The following SALL1 variants were observed in gnomAD, a reference collection of about 807,000 sequenced individuals.
The protein encoded by SALL1 is sal-like protein 1.
Under a neutral mutation model 73.1 loss-of-function variants are expected in SALL1, and 10 were observed. The observed-to-expected ratio is 0.14, with a 90% CI of 0.08 to 0.23. The LOEUF is 0.23. SALL1 is among the 10% of genes least tolerant of loss of function. SALL1 has a pLI of 1.00. For synonymous variants in SALL1, 688 were observed against 689.8 expected, an observed-to-expected ratio of 1.00 and a Z score of 0.04; for missense variants, 1,520 against 1,697.3, an observed-to-expected ratio of 0.90 and a Z score of 1.84.
In SALL1 at chr16:51,141,814, G is replaced by A; in HGVS notation, c.408C>T (p.Gly136=). 6.2e-7 allele frequency: 1 copy of A among 1,613,900 alleles called. No individual in the cohort carries two copies. Among genetic ancestry groups the A allele is most frequent in the Non-Finnish European group, 8.5e-7 (1 of 1,180,004 alleles). Residue 136 remains glycine (G), a synonymous_variant, in exon 2 of 3, where the codon GGC becomes GGT. Transcript: ENST00000251020. The surrounding 1 kb of genome is among the most constrained non-coding windows in gnomAD (Gnocchi z 5.4). ...TGTGGCTGCCGCTGGAAGTGCCGCTGCCGCTTTTGTTAGCAACCGGGGCCT... is the reference window on the plus strand; with the variant it reads ...TGTGGCTGCCGCTGGAAGTGCCGCTACCGCTTTTGTTAGCAACCGGGGCCT... ...EVEAPVANKS[G]SGTSSGSHSS... is the part of the protein sequence containing the mutation.
rs530363077 is a variant in SALL1, at chr16:51,139,294, G to A, written c.2928C>T (p.His976=). 79 of 1,614,126 alleles carry A rather than the reference G, an allele frequency of 4.9e-5. No individual in the cohort carries two copies. The East Asian group carries it at 4.9e-4, about 10-fold the overall frequency. Residue 976 remains histidine, a synonymous_variant, in exon 2 of 3, where the codon CAC becomes CAT. Coordinates refer to ENST00000251020, the MANE Select transcript of SALL1 (RefSeq NM_002968.3). ...AATCTTCTTTGATGATTTTCTCTGC[G>A]TGACTAGATGTCAAATCCAAAGCCC... ...NGGALDLTSS[H]AEKIIKEDSL...
In SALL1 at chr16:51,141,735, C is replaced by T. The variant is rs760334541; in HGVS notation, c.487G>A (p.Gly163Ser). ...GCTGAGGTACCTGTGGAGGAGCTGC[C>T]GCCGCCGCCGCTGCTGCTGCTGCTG... Reference protein sequence around the residue: ...SSSSSSSGGGGSSSTGTSAIT... With the variant: ...SSSSSSSGGGSSSSTGTSAIT... The change falls in exon 2 of 3, where the codon GGC becomes AGC. Residue 163 changes from glycine (G) to serine (S), a missense_variant. Gly to Ser is a moderately conservative substitution (Grantham distance 56, BLOSUM62 0). Transcript: ENST00000251020. The surrounding 1 kb of genome is among the most constrained non-coding windows in gnomAD (Gnocchi z 5.4). 11 of 1,609,678 alleles carry T rather than the reference C, an allele frequency of 6.8e-6. No homozygotes were observed. Among genetic ancestry groups the T allele is most frequent in the African/African-American group, 2.7e-5 (2 of 73,994 alleles).
At position 51,139,092 on chromosome 16, in the gene SALL1, A is replaced by G. The variant is rs1434600667; in HGVS notation, c.3130T>C (p.Leu1044=). Residue 1044 remains leucine (L), a synonymous_variant, in exon 2 of 3, where the codon TTG becomes CTG. Transcript: ENST00000251020. Reference sequence around the variant, plus strand: ...TGATGTGTCAACATGTGCTGCTTCAAATTACCCTTTGTGGAAAAGCCACGA... The same window carrying G: ...TGATGTGTCAACATGTGCTGCTTCAGATTACCCTTTGTGGAAAAGCCACGA... ...CNRGFSTKGN[L]KQHMLTHQMR... 5 of 1,614,114 alleles carry G rather than the reference A, an allele frequency of 3.1e-6. No homozygotes were observed. The highest frequency in any genetic ancestry group is 4.2e-6 in the Non-Finnish European group (5 of 1,180,054).
At position 51,141,790 on chromosome 16, in the gene SALL1, G is replaced by A. The variant is rs752851953; in HGVS notation, c.432C>T (p.His144=). The stretch of plus-strand genomic sequence containing the variant: ...TGCTGCTGCTTGGGGCGGTACTGCT[G>A]TGGCTGCCGCTGGAAGTGCCGCTGC... ...KSGSGTSSGS[H]SSTAPSSSSS... The change falls in exon 2 of 3, where the codon CAC becomes CAT. Residue 144 remains histidine (H), a synonymous_variant. Coordinates refer to ENST00000251020, the MANE Select transcript of SALL1 (RefSeq NM_002968.3). The surrounding 1 kb of genome is among the most constrained non-coding windows in gnomAD (Gnocchi z 5.4). The A allele has an allele frequency of 6.2e-7, 1 of 1,613,158 alleles. No individual in the cohort carries two copies. Among genetic ancestry groups the A allele is most frequent in the Non-Finnish European group, 8.5e-7 (1 of 1,179,788 alleles).
chr16:51,141,537 G>A lies in SALL1; in HGVS notation c.685C>T (p.Leu229Phe). The change falls in exon 2 of 3, where the codon CTC (leucine) becomes TTC (phenylalanine). Residue 229 changes from leucine (L) to phenylalanine (F), a missense_variant. Around this residue, in one of 7 missense-constraint regions of SALL1, gnomAD observed 540 missense variants for 567.5 expected, o/e 0.95. Coordinates refer to ENST00000251020, the MANE Select transcript of SALL1 (RefSeq NM_002968.3). This position sits in a 1 kb window ranked among gnomAD's most constrained non-coding sequence, Gnocchi z 5.4. ...TGCAGAGCTAGGAGTTGTTCCATGA[G>A]GGCTGGGACGGCCAGCTTGCCCCCA... ...ASGGKLAVPA[L>F]MEQLLALQQQ... 3.1e-6 allele frequency: 5 copies of A among 1,614,166 alleles called. No homozygotes were observed. The highest frequency in any genetic ancestry group is 3.4e-6 in the Non-Finnish European group (4 of 1,180,034).
At chr16:51,137,610 G>A (rs1317567397) in intron 2 of SALL1, 58 bp from the exon 3 acceptor site, 31 of 1,387,394 alleles carry the variant, frequency 2.2e-5, no homozygotes, top group Admixed American at 8.6e-5. Flanking sequence ...AAAAAGAGGA[G>A]GGGGAGAGAA....
Position 51,151,196 on chromosome 16 carries a change from G to C in SALL1, c.46C>G (p.Pro16Ala), listed in dbSNP as rs1248307069. The C allele has an allele frequency of 6.2e-7, 1 of 1,601,616 alleles. No individual in the cohort carries two copies. The highest frequency in any genetic ancestry group is 8.5e-7 in the Non-Finnish European group (1 of 1,175,564). ...QAKPQHFQSD[P>A]EVASLPRRDG... ...CGCCGGGGGAGCGAGGCCACTTCGGGGTCGGATTGGAAATGTTGAGGCTTC... is the reference window on the plus strand; with the variant it reads ...CGCCGGGGGAGCGAGGCCACTTCGGCGTCGGATTGGAAATGTTGAGGCTTC... The change falls in exon 1 of 3, where the codon CCC (proline) becomes GCC (alanine). Residue 16 changes from proline to alanine, a missense_variant. Coordinates refer to ENST00000251020, the MANE Select transcript of SALL1 (RefSeq NM_002968.3).
At chr16:51,149,390 C>T (rs75373928) in intron 1 of SALL1, 1 of 152,086 alleles carries the variant, frequency 6.6e-6, no homozygotes, top group Non-Finnish European at 1.5e-5. Context: ...AAGGTCTCAC[C>T]AGAAACTTTA....
intron 2 of SALL1, among the ~76,000 whole-genome samples, chr16:51,137,863 G>T (rs139118008): frequency 6.6e-6 from 1 of 152,162 alleles, no homozygotes; most frequent in East Asian, 1.9e-4. Context: ...AGCAAGCCAG[G>T]CAGTGGCGGA....
At chr16:51,137,582 C>CAGAG (rs142249003) in intron 2 of SALL1, 30 bp from the exon 3 acceptor site, 2 of 1,503,202 alleles carry the variant, frequency 1.3e-6, no homozygotes, top group Non-Finnish European at 1.8e-6. Flanking sequence ...GGCAGAGAGA[C>CAGAG]AGAGAGAGAG....
chr16:51,151,000 T>C (rs944468615), intron 1 of SALL1, 166 bp downstream of exon 1: 1 of 442,592 alleles, frequency 2.3e-6, no homozygotes. Flanking sequence ...CAAAGGCACA[T>C]TGAAAATTAA....
At position 51,141,744 on chromosome 16, in the gene SALL1, C is replaced by CT; in HGVS notation, c.477_478insA (p.Gly160ArgfsTer110). 7 of 1,579,894 alleles carry CT rather than the reference C, an allele frequency of 4.4e-6. No homozygotes were observed. The highest frequency in any genetic ancestry group is 6.1e-6 in the Non-Finnish European group (7 of 1,156,208). On this transcript the variant is annotated frameshift_variant, in exon 2 of 3. Coordinates refer to ENST00000251020, the MANE Select transcript of SALL1 (RefSeq NM_002968.3). LOFTEE classifies it high-confidence loss of function. The surrounding 1 kb of genome is among the most constrained non-coding windows in gnomAD (Gnocchi z 5.4). ...CCTGTGGAGGAGCTGCCGCCGCCGC[C>CT]GCTGCTGCTGCTGCTGCTGCTGCTG...
At position 51,137,069 on chromosome 16, in the gene SALL1, A is replaced by G; in HGVS notation, c.*43T>C. The G allele has an allele frequency of 6.2e-7, 1 of 1,606,756 alleles. No homozygotes were observed. Among genetic ancestry groups the G allele is most frequent in the Non-Finnish European group, 8.5e-7 (1 of 1,174,198 alleles). ...GGAGTAGGAGGCCACCATAGGTCGC[A>G]TTCTGAACAGGAATGAATGCTATGT... On this transcript the variant is annotated 3_prime_UTR_variant, in exon 3 of 3. Coordinates refer to ENST00000251020, the MANE Select transcript of SALL1 (RefSeq NM_002968.3).
At chr16:51,138,622 T>C in intron 2 of SALL1, 66 bp downstream of exon 2, 1 of 1,558,564 alleles carries the variant, frequency 6.4e-7, no homozygotes, top group South Asian at 1.2e-5. Context: ...GGGCATGCAT[T>C]ATAGATAATC....
upstream of SALL1, chr16:51,151,451 G>A (rs1164376297): frequency 3.7e-5 from 7 of 187,874 alleles, no homozygotes; most frequent in Admixed American, 6.1e-5. Flanking sequence ...ATCATAGAGG[G>A]GCTCTTTGAA....
chr16:51,149,027 C>G (rs1432369163), intron 1 of SALL1, among the ~76,000 whole-genome samples: 1 of 151,432 alleles, frequency 6.6e-6, no homozygotes, highest in East Asian at 1.9e-4. Flanking sequence ...AGAAAGAAAT[C>G]AAAAGAAGGA....
Position 51,141,270 on chromosome 16 carries a change from G to C in SALL1, c.952C>G (p.Pro318Ala), listed in dbSNP as rs752104341. The change falls in exon 2 of 3, where the codon CCA (proline) becomes GCA (alanine). Residue 318 changes from proline to alanine, a missense_variant. Coordinates refer to ENST00000251020, the MANE Select transcript of SALL1 (RefSeq NM_002968.3). This position sits in a 1 kb window ranked among gnomAD's most constrained non-coding sequence, Gnocchi z 5.4. ...GAACTGCTCTGAGGTAGCTGGATTG[G>C]GGGTAGCTGTTTCACACCACTAATG... ...ASISGVKQLP[P>A]IQLPQSSSGN... is the part of the protein sequence containing the mutation. The C allele has an allele frequency of 2.0e-5, 33 of 1,614,014 alleles. No homozygotes were observed. The highest frequency in any genetic ancestry group is 1.1e-5 in the South Asian group (1 of 91,078).
In SALL1 at chr16:51,140,178, A is replaced by C; in HGVS notation, c.2044T>G (p.Ser682Ala). The C allele has an allele frequency of 6.2e-7, 1 of 1,614,180 alleles. No individual in the cohort carries two copies. Among genetic ancestry groups the C allele is most frequent in the Non-Finnish European group, 8.5e-7 (1 of 1,180,030 alleles). Residue 682 changes from serine to alanine, a missense_variant, in exon 2 of 3, where the codon TCA (serine) becomes GCA (alanine). Coordinates refer to ENST00000251020, the MANE Select transcript of SALL1 (RefSeq NM_002968.3). The surrounding 1 kb of genome is among the most constrained non-coding windows in gnomAD (Gnocchi z 5.7). ...TTGGACGTCTCTGATGCCTGAGCTG[A>C]GTCCAGGAGTCCCCCAAAAGGAAAC... ...AKFPFGGLLD[S>A]AQASETSKLQ...
intron 2 of SALL1, among the ~76,000 whole-genome samples, 173 bp from the exon 3 acceptor site, chr16:51,137,725 C>T (rs1353899699): frequency 6.6e-6 from 1 of 152,210 alleles, no homozygotes; most frequent in Non-Finnish European, 1.5e-5. Context: ...CAACAGGAAC[C>T]ATCCATTCCT....
Sources: gnomAD v4.1 joint callset for allele counts (sites outside exome capture counted in the v4.1 genomes callset) on GRCh38, gnomAD v4.1.1 for gene constraint, gnomAD v4.1.1 regional missense constraint, Gnocchi (gnomAD v3.1) non-coding constraint, MANE v1.5 for transcripts, NCBI Gene and HGNC (gene_info 2026-07-23, HGNC 2026-07-21) for gene names.